Variants in PDS5A observed in about 807,000 individuals in gnomAD.
The protein encoded by PDS5A is PDS5 cohesin associated factor A.
In PDS5A, 42 loss-of-function variants were observed where a neutral mutation model predicts 167.1. The observed-to-expected ratio is 0.25, with a 90% CI of 0.20 to 0.33. PDS5A has a LOEUF of 0.33. Ranked by LOEUF, PDS5A falls within the 10% of genes least tolerant of loss-of-function variation. PDS5A has a pLI of 1.00. For synonymous variants in PDS5A, 553 were observed against 554.6 expected (o/e 1.00, Z 0.04); for missense variants, 1,033 against 1,605.9 (o/e 0.64, Z 6.10).
rs550321592 is a variant in PDS5A, at chr4:39,849,016, AATC to A, written c.3220-49_3220-47del. The A allele has an allele frequency of 9.3e-5, 120 of 1,283,782 alleles. No individual in the cohort carries two copies. In the African/African-American group the frequency reaches 1.7e-3, roughly 18 times the overall value. 79.5% of individuals were successfully genotyped at this position (1,283,782 alleles called of 1,614,324 possible). ...TATATAACTTTTAGTATTGCAAAATAATCATAATTACCAATTCCACTAAATGTA... is the reference window on the plus strand; with the variant it reads ...TATATAACTTTTAGTATTGCAAAATAATAATTACCAATTCCACTAAATGTA... On this transcript the variant is annotated intron_variant, in intron 27 of 32. Coordinates refer to ENST00000303538, the MANE Select transcript of PDS5A (RefSeq NM_001100399.2).
In PDS5A at chr4:39,929,527, A is replaced by C. The variant is rs935550574; in HGVS notation, c.139-1363T>G. Among the ~76,000 whole-genome samples the C allele has an allele frequency of 2.8e-3, 126 of 44,536 alleles. 1 individual carries two copies. Among genetic ancestry groups the C allele is most frequent in the African/African-American group, 3.4e-3 (67 of 19,772 alleles). 29.2% of individuals were successfully genotyped at this position (44,536 alleles called of 152,430 possible). ...AGTTAATACTTAATAAACTATATAT[A>C]TATATATATATATATATATATATAT... On this transcript the variant is annotated intron_variant, in intron 2 of 32. Transcript: ENST00000303538.
chr4:39,826,473 T>TTTTATTTATTTATTTATTTATTTA lies in PDS5A; in HGVS notation c.4011-1009_4011-986dup, dbSNP rs57090254. Among the ~76,000 whole-genome samples, 867 of 143,798 alleles carry TTTTATTTATTTATTTATTTATTTA rather than the reference T, an allele frequency of 6.0e-3. 10 individuals are homozygous for TTTTATTTATTTATTTATTTATTTA. Among genetic ancestry groups the TTTTATTTATTTATTTATTTATTTA allele is most frequent in the East Asian group, 8.1e-3 (40 of 4,968 alleles). 94.3% of individuals were successfully genotyped at this position (143,798 alleles called of 152,430 possible). A position where few individuals can be genotyped will look rare whatever the true frequency, so the allele number is the denominator to read the frequency against. On this transcript the variant is annotated intron_variant, in intron 32 of 32. Coordinates refer to ENST00000303538, the MANE Select transcript of PDS5A (RefSeq NM_001100399.2). ...CCAACTTGCCTAATTCATTCCACAT[T>TTTTATTTATTTATTTATTTATTTA]TTTATTTATTTATTTATTTATTTAT... is the stretch of plus-strand genomic sequence containing the variant.
At chr4:39,955,740 G>T (rs916932559) in intron 2 of PDS5A, among the ~76,000 whole-genome samples, 2 of 151,978 alleles carry the variant, frequency 1.3e-5, no homozygotes, top group African/African-American at 2.4e-5. Context: ...AGTCCAGGGG[G>T]TTTGTTGGGA....
Position 39,920,357 on chromosome 4 carries a change from T to C in PDS5A, c.697A>G (p.Lys233Glu). 6.4e-7 allele frequency: 1 copy of C among 1,557,948 alleles called. No individual in the cohort carries two copies. Among genetic ancestry groups the C allele is most frequent in the Non-Finnish European group, 8.8e-7 (1 of 1,132,488 alleles). The change falls in exon 7 of 33, where the codon AAA becomes GAA. Residue 233 changes from lysine to glutamate, a missense_variant. By Grantham distance (56) the Lys-to-Glu change is moderately conservative (BLOSUM62 1). Transcript: ENST00000303538. ...GCCTCAATAGTCTGGACTGTTCTTT[T>C]CAATAGCACTTTTGCAAGGTCAAAG... Reference protein sequence around the residue: ...QSFDLAKVLLKRTVQTIEACI... With the variant: ...QSFDLAKVLLERTVQTIEACI...
rs1384325057 is a variant in PDS5A, at chr4:39,873,084, A to G, written c.2338T>C (p.Leu780=). The change falls in exon 21 of 33, where the codon TTG becomes CTG. Residue 780 remains leucine (L), a synonymous_variant. Transcript: ENST00000303538. ...PEQLITPLVS[L]GHISMLAPDQ... Reference sequence around the variant, plus strand: ...GGTGCTAACATAGAAATGTGGCCCAATGAAACTAATGGAGTTATAAGTTGT... The same window carrying G: ...GGTGCTAACATAGAAATGTGGCCCAGTGAAACTAATGGAGTTATAAGTTGT... 1.2e-5 allele frequency: 19 copies of G among 1,551,452 alleles called. 1 individual carries two copies. Among genetic ancestry groups the G allele is most frequent in the Admixed American group, 5.1e-5 (3 of 58,328 alleles).
chr4:39,855,308 T>C (rs1718445169), intron 26 of PDS5A, among the ~76,000 whole-genome samples: 1 of 152,170 alleles, frequency 6.6e-6, no homozygotes, highest in African/African-American at 2.4e-5. Flanking sequence ...TTTGTGAAAG[T>C]AGTTTGGAAA....
At chr4:39,959,178 C>A (rs190200213) in intron 2 of PDS5A, among the ~76,000 whole-genome samples, 152 of 152,322 alleles carry the variant, frequency 1.0e-3, no homozygotes, top group African/African-American at 3.5e-3. Flanking sequence ...AAAATCCATT[C>A]TACTGTTATT....
At chr4:39,884,127 C>T (rs1319442688) in intron 17 of PDS5A, among the ~76,000 whole-genome samples, 1 of 151,742 alleles carries the variant, frequency 6.6e-6, no homozygotes, top group African/African-American at 2.4e-5. Flanking sequence ...CGGGGTTTCA[C>T]CATGTTGGTC....
chr4:39,862,878 T>C lies in PDS5A; in HGVS notation c.2962A>G (p.Met988Val), dbSNP rs372601965. The change falls in exon 25 of 33, where the codon ATG becomes GTG. Residue 988 changes from methionine to valine, a missense_variant. By Grantham distance (21) the Met-to-Val change is conservative. Transcript: ENST00000303538. The part of the protein sequence containing the change: ...IRREYIKQNP[M>V]ATEKLLSLLP... ...ACTCTGAGTTACTTACCAGTAGCCA[T>C]AGGATTCTGCTTAATGTATTCCCTG... The C allele has an allele frequency of 8.1e-6, 13 of 1,600,954 alleles. No individual in the cohort carries two copies. Among genetic ancestry groups the C allele is most frequent in the African/African-American group, 5.4e-5 (4 of 74,754 alleles).
intron 2 of PDS5A, among the ~76,000 whole-genome samples, chr4:39,930,246 A>AAGTTTTTT: frequency 9.7e-5 from 9 of 93,090 alleles, no homozygotes; most frequent in Non-Finnish European, 1.6e-4. Flanking sequence ...AAAAAAAAAA[A>AAGTTTTTT]GTTTTTTTGT....
At chr4:39,974,100 C>T (rs1362639328) in intron 2 of PDS5A, 2 of 544,786 alleles carry the variant, frequency 3.7e-6, no homozygotes, top group South Asian at 1.5e-5. Context: ...CCAGCCTGGG[C>T]GACAGAGCGA....
intron 17 of PDS5A, among the ~76,000 whole-genome samples, chr4:39,886,502 T>C (rs1457427014): frequency 6.6e-6 from 1 of 152,054 alleles, no homozygotes; most frequent in South Asian, 2.1e-4. Flanking sequence ...TCACCTGAGG[T>C]TGGGAGTTTG....
intron 6 of PDS5A, among the ~76,000 whole-genome samples, chr4:39,922,121 T>A (rs1472040024): frequency 2.0e-5 from 3 of 152,092 alleles, no homozygotes; most frequent in Non-Finnish European, 4.4e-5. Flanking sequence ...CTGGTGGAGA[T>A]AAATAGAAAA....
Position 39,897,004 on chromosome 4 carries a change from A to G in PDS5A, c.1770+1385T>C, listed in dbSNP as rs558900564. Among the ~76,000 whole-genome samples the G allele has an allele frequency of 9.9e-4, 151 of 151,930 alleles. 1 individual carries two copies. The highest frequency in any genetic ancestry group is 3.4e-3 in the African/African-American group (139 of 41,422). ...GTCATGGTAGTTTGCTACACCCATC[A>G]CCCTGAGTTCTGTTATAATATTATG... On this transcript the variant is annotated intron_variant, in intron 16 of 32. Transcript: ENST00000303538.
intron 3 of PDS5A, among the ~76,000 whole-genome samples, chr4:39,927,599 A>C (rs1225945189): frequency 6.6e-6 from 1 of 152,212 alleles, no homozygotes; most frequent in African/African-American, 2.4e-5. Flanking sequence ...ATAGGGGAAA[A>C]TAGTCATATG....
At chr4:39,862,159 T>G in intron 26 of PDS5A, 60 bp downstream of exon 26, 1 of 594,892 alleles carries the variant, frequency 1.7e-6, no homozygotes, top group Non-Finnish European at 2.8e-6. Flanking sequence ...AACAAAAAAT[T>G]TACCATTTTT....
intron 19 of PDS5A, among the ~76,000 whole-genome samples, chr4:39,876,623 C>A (rs1182962290): frequency 3.9e-5 from 6 of 151,906 alleles, no homozygotes; most frequent in Admixed American, 1.3e-4. Context: ...GGTAGGATAG[C>A]AAAGTGACAG....
At chr4:39,847,337 T>C (rs1717698359) in intron 28 of PDS5A, 1 of 152,150 alleles carries the variant, frequency 6.6e-6, no homozygotes, top group Non-Finnish European at 1.5e-5. Flanking sequence ...AGGCTGGGCA[T>C]GGTGGCTCAT....
intron 2 of PDS5A, among the ~76,000 whole-genome samples, chr4:39,955,740 G>A (rs916932559): frequency 2.6e-5 from 4 of 151,978 alleles, no homozygotes; most frequent in African/African-American, 9.7e-5. Flanking sequence ...AGTCCAGGGG[G>A]TTTGTTGGGA....
Sources: allele counts gnomAD v4.1 joint callset (sites outside exome capture counted in the v4.1 genomes callset), GRCh38; gene constraint gnomAD v4.1.1; transcripts MANE v1.5; gene names NCBI Gene and HGNC (gene_info 2026-07-23, HGNC 2026-07-21).